ARFIP1: variants seen among roughly 807,000 people sequenced by gnomAD.
ARFIP1 encodes ARF interacting protein 1.
ARFIP1 carries 24 observed loss-of-function variants against 42.5 expected under a neutral mutation model. The observed-to-expected ratio is 0.57, with a 90% CI of 0.41 to 0.80. The LOEUF is 0.80. ARFIP1 is among the 30% of genes least tolerant of loss of function. ARFIP1 has a pLI of 0.00. For missense variants in ARFIP1, 354 were observed against 434.0 expected (o/e 0.82, Z 1.64); for synonymous variants, 141 against 153.7 (o/e 0.92, Z 0.61).
chr4:152,855,445 T>G lies in ARFIP1; in HGVS notation c.94-8161T>G, dbSNP rs367592878. The stretch of plus-strand genomic sequence containing the variant: ...CTGGAGAGGGTGGTGCTGCCTTTAG[T>G]GACTGGCGGCAGCCTAGGCTGGTGG... On this transcript the variant is annotated intron_variant, in intron 2 of 8. Transcript: ENST00000353617. Among the ~76,000 whole-genome samples the G allele has an allele frequency of 2.6e-5, 4 of 152,262 alleles. No homozygotes were observed. In the East Asian group the frequency reaches 5.8e-4, roughly 22 times the overall value.
intron 2 of ARFIP1, among the ~76,000 whole-genome samples, chr4:152,848,715 T>C (rs903545997): frequency 6.6e-6 from 1 of 152,192 alleles, no homozygotes; most frequent in African/African-American, 2.4e-5. Flanking sequence ...TCAGAGATAG[T>C]GTGTATACAC....
In ARFIP1 at chr4:152,829,734, C is replaced by G; in HGVS notation, c.93+8C>G. The G allele has an allele frequency of 6.4e-7, 1 of 1,570,872 alleles. No homozygotes were observed. The highest frequency in any genetic ancestry group is 2.2e-5 in the East Asian group (1 of 44,450). The stretch of plus-strand genomic sequence containing the variant: ...GAACATAGCTTTAATAGGGTAAGAA[C>G]ACTTTTCTTTCTCTTAATGCAAAGA... On this transcript the variant is annotated splice_region_variant and intron_variant, in intron 2 of 8. Coordinates refer to ENST00000353617, the MANE Select transcript of ARFIP1 (RefSeq NM_001025595.3).
intron 8 of ARFIP1, among the ~76,000 whole-genome samples, chr4:152,889,344 A>G (rs1249565599): frequency 2.0e-5 from 3 of 151,442 alleles, no homozygotes; most frequent in African/African-American, 4.8e-5. Context: ...TTAAGCTGCT[A>G]TGGGTGAAAA....
Position 152,826,658 on chromosome 4 carries a change from A to G in ARFIP1, c.-9-2967A>G, listed in dbSNP as rs142413306. Among the ~76,000 whole-genome samples the G allele has an allele frequency of 8.4e-3, 1,279 of 152,296 alleles. 20 individuals carry two copies. The highest frequency in any genetic ancestry group is 0.028 in the African/African-American group (1,176 of 41,548). ...TTTATTTAAAAAATAGAATTACAGT[A>G]TGATCTAGTAATACTACTTCTGGGT... On this transcript the variant is annotated intron_variant, in intron 1 of 8. Coordinates refer to ENST00000353617, the MANE Select transcript of ARFIP1 (RefSeq NM_001025595.3).
intron 1 of ARFIP1, among the ~76,000 whole-genome samples, chr4:152,795,819 A>ATTTTTTTTTT (rs1255846759): frequency 1.2e-4 from 2 of 16,774 alleles, no homozygotes; most frequent in Non-Finnish European, 2.3e-4. Context: ...GGGCCCTTGT[A>ATTTTTTTTTT]ATTTTTTTTT....
At chr4:152,810,507 C>G (rs1729357760) in intron 1 of ARFIP1, 1 of 152,078 alleles carries the variant, frequency 6.6e-6, no homozygotes, top group Non-Finnish European at 1.5e-5. Context: ...ATATCTCTTT[C>G]TACTATACGA....
intron 1 of ARFIP1, among the ~76,000 whole-genome samples, chr4:152,788,731 A>G (rs1359269865): frequency 1.3e-5 from 2 of 152,066 alleles, no homozygotes; most frequent in African/African-American, 4.8e-5. Context: ...ATTTGTCACA[A>G]TTAACCAATA....
chr4:152,868,266 G>T (rs1440961315), intron 3 of ARFIP1, among the ~76,000 whole-genome samples: 2 of 152,144 alleles, frequency 1.3e-5, no homozygotes, highest in Non-Finnish European at 2.9e-5. Context: ...AAGTGTACTT[G>T]GTACCAGGGT....
intron 8 of ARFIP1, among the ~76,000 whole-genome samples, chr4:152,897,122 G>C (rs1236088091): frequency 1.3e-5 from 2 of 152,176 alleles, no homozygotes; most frequent in African/African-American, 4.8e-5. Context: ...TAGAAATGAG[G>C]CAGAAATTAA....
intron 3 of ARFIP1, among the ~76,000 whole-genome samples, chr4:152,869,791 G>A (rs1374824716): frequency 1.3e-5 from 2 of 152,066 alleles, no homozygotes; most frequent in South Asian, 2.1e-4. Flanking sequence ...AATTTGCCAG[G>A]GTGTTCCTGA....
At chr4:152,887,605 A>T (rs550289921) in intron 7 of ARFIP1, among the ~76,000 whole-genome samples, 5 of 152,112 alleles carry the variant, frequency 3.3e-5, no homozygotes, top group African/African-American at 9.6e-5. Flanking sequence ...GTAAAATGAA[A>T]TATATTGATA....
At chr4:152,858,219 G>C (rs922205595) in intron 2 of ARFIP1, among the ~76,000 whole-genome samples, 12 of 152,138 alleles carry the variant, frequency 7.9e-5, no homozygotes. Context: ...TCGAGCCCAG[G>C]GGGTGGAGGT....
chr4:152,889,498 CATAT>C (rs71595203), intron 8 of ARFIP1, among the ~76,000 whole-genome samples: 50 of 42,786 alleles, frequency 1.2e-3, no homozygotes, highest in African/African-American at 3.2e-3. Context: ...TCATTTTAGT[CATAT>C]ATATATATAT....
chr4:152,830,375 A>C (rs1731168425), intron 2 of ARFIP1, among the ~76,000 whole-genome samples: 1 of 152,182 alleles, frequency 6.6e-6, no homozygotes, highest in African/African-American at 2.4e-5. Flanking sequence ...TGAAGATATT[A>C]ATATTAAATG....
chr4:152,898,928 A>C (rs1737585716), intron 8 of ARFIP1, among the ~76,000 whole-genome samples: 1 of 152,186 alleles, frequency 6.6e-6, no homozygotes, highest in Non-Finnish European at 1.5e-5. Flanking sequence ...TGTCCTAACA[A>C]ATTTTGATAA....
At chr4:152,802,775 T>G (rs1272809573) in intron 1 of ARFIP1, among the ~76,000 whole-genome samples, 1 of 152,180 alleles carries the variant, frequency 6.6e-6, no homozygotes, top group Admixed American at 6.6e-5. Flanking sequence ...GCAGGAAACT[T>G]ATTTCTGGTG....
chr4:152,889,608 A>C (rs187177160), intron 8 of ARFIP1, among the ~76,000 whole-genome samples: 5 of 128,798 alleles, frequency 3.9e-5, no homozygotes, highest in Admixed American at 2.5e-4. Flanking sequence ...TATATATACT[A>C]TATATACATA....
chr4:152,797,188 A>T (rs982695135), intron 1 of ARFIP1, among the ~76,000 whole-genome samples: 3 of 152,196 alleles, frequency 2.0e-5, no homozygotes, highest in African/African-American at 7.2e-5. Flanking sequence ...TATTTTCCAG[A>T]TGGATACCTA....
intron 5 of ARFIP1, among the ~76,000 whole-genome samples, chr4:152,880,023 T>G (rs1340149119): frequency 6.6e-6 from 1 of 152,016 alleles, no homozygotes; most frequent in Admixed American, 6.6e-5. Context: ...TCCATGTGCT[T>G]TGAAATTAGA....
Sources: allele counts gnomAD v4.1 joint callset (sites outside exome capture counted in the v4.1 genomes callset), GRCh38; gene constraint gnomAD v4.1.1; transcripts MANE v1.5; gene names NCBI Gene and HGNC (gene_info 2026-07-23, HGNC 2026-07-21).